Variants in GDE1 observed in about 807,000 individuals in gnomAD.
The protein encoded by GDE1 is glycerophosphodiester phosphodiesterase 1, also known as RGS16-interacting membrane protein.
GDE1 carries 24 observed loss-of-function variants against 32.2 expected under a neutral mutation model. The observed-to-expected ratio is 0.75, with a 90% CI of 0.54 to 1.05. The LOEUF is 1.05. GDE1 is among the 50% of genes least tolerant of loss of function. The pLI is 0.00. For synonymous variants in GDE1, 159 were observed against 158.6 expected (o/e 1.00, Z -0.02); for missense variants, 380 against 415.0 (o/e 0.92, Z 0.73).
chr16:19,520,699 T>C (rs1001084459), intron 1 of GDE1, among the ~76,000 whole-genome samples: 6 of 141,812 alleles, frequency 4.2e-5, no homozygotes, highest in South Asian at 2.2e-4. Context: ...CCCTCCAGCC[T>C]GGGTAAAAGA....
chr16:19,521,588 T>C lies in GDE1; in HGVS notation c.261+116A>G, dbSNP rs1969453934. ...GCGATCAAGGGCCGGGAGTGTGCCT[T>C]GTGGACGAATGAGGAAGTGGGAAGG... is the stretch of plus-strand genomic sequence containing the variant. On this transcript the variant is annotated intron_variant, in intron 1 of 5. Coordinates refer to ENST00000353258, the MANE Select transcript of GDE1 (RefSeq NM_016641.4). 10 of 1,179,718 alleles carry C rather than the reference T, an allele frequency of 8.5e-6. No homozygotes were observed. The South Asian group carries it at 1.3e-4, about 16-fold the overall frequency. 73.1% of individuals were successfully genotyped at this position (1,179,718 alleles called of 1,614,324 possible). A position where few individuals can be genotyped will look rare whatever the true frequency, so the allele number is the denominator to read the frequency against.
chr16:19,512,260 C>T (rs778651053), intron 2 of GDE1, among the ~76,000 whole-genome samples: 2 of 152,052 alleles, frequency 1.3e-5, no homozygotes, highest in South Asian at 4.1e-4. Context: ...TAAATAATGG[C>T]CATTCTAACT....
At chr16:19,511,542 A>G (rs1969318965) in intron 2 of GDE1, among the ~76,000 whole-genome samples, 1 of 152,148 alleles carries the variant, frequency 6.6e-6, no homozygotes, top group Non-Finnish European at 1.5e-5. Flanking sequence ...CACCCCAAAT[A>G]TTTATCATTT....
intron 1 of GDE1, 82 bp from the exon 2 acceptor site, chr16:19,517,271 C>T: frequency 1.9e-6 from 2 of 1,030,868 alleles, no homozygotes; most frequent in South Asian, 2.8e-5. Context: ...ACCAGCAGGG[C>T]TCCTAAGACA....
intron 3 of GDE1, among the ~76,000 whole-genome samples, chr16:19,510,198 TG>T (rs1285738517): frequency 6.6e-6 from 1 of 152,160 alleles, no homozygotes; most frequent in Non-Finnish European, 1.5e-5. Flanking sequence ...TTCTTATGAG[TG>T]TAAGTGCAGG....
intron 5 of GDE1, chr16:19,503,862 C>T: frequency 2.5e-6 from 1 of 398,712 alleles, no homozygotes; most frequent in Non-Finnish European, 4.5e-6. Context: ...ATGTCCTTGG[C>T]ACAGCCACTG....
chr16:19,517,660 C>A (rs1474295781), intron 1 of GDE1, among the ~76,000 whole-genome samples: 1 of 152,194 alleles, frequency 6.6e-6, no homozygotes, highest in African/African-American at 2.4e-5. Flanking sequence ...CACAAAGACA[C>A]CACGCCTGCT....
At chr16:19,507,912 G>A (rs954547938) in intron 3 of GDE1, 133 bp from the exon 4 acceptor site, 16 of 577,754 alleles carry the variant, frequency 2.8e-5, no homozygotes, top group Non-Finnish European at 4.0e-5. Context: ...GGTACTGAAA[G>A]TATTGGTAGA....
intron 3 of GDE1, among the ~76,000 whole-genome samples, chr16:19,509,558 C>T (rs1031254813): frequency 6.6e-6 from 1 of 152,056 alleles, no homozygotes; most frequent in African/African-American, 2.4e-5. Context: ...ATACAACTAT[C>T]GGTTTACTAG....
intron 2 of GDE1, among the ~76,000 whole-genome samples, chr16:19,513,037 T>C (rs554693528): frequency 7.3e-5 from 11 of 151,688 alleles, no homozygotes; most frequent in Non-Finnish European, 1.5e-4. Context: ...AATGAGGTAG[T>C]GTGATATGTC....
Position 19,521,804 on chromosome 16 carries a change from C to T in GDE1, c.161G>A (p.Arg54Lys). 6.2e-7 allele frequency: 1 copy of T among 1,611,650 alleles called. No individual in the cohort carries two copies. Among genetic ancestry groups the T allele is most frequent in the Admixed American group, 1.7e-5 (1 of 59,788 alleles). Residue 54 changes from arginine (R) to lysine (K), a missense_variant, in exon 1 of 6, where the codon AGG (arginine) becomes AAG (lysine). By Grantham distance (26) the Arg-to-Lys change is conservative. Coordinates refer to ENST00000353258, the MANE Select transcript of GDE1 (RefSeq NM_016641.4). ...VFSFEPVPSC[R>K]ALQVLKPRDR... ...CCGGGGCTTGAGCACCTGCAGGGCC[C>T]TGCAAGAGGGCACCGGCTCAAAGCT...
In GDE1 at chr16:19,503,330, G is replaced by A; in HGVS notation, c.*140C>T. The A allele has an allele frequency of 4.1e-6, 3 of 725,510 alleles. No homozygotes were observed. The highest frequency in any genetic ancestry group is 1.9e-5 in the South Asian group (1 of 53,994). The allele number at this position is 725,510 out of a possible 1,614,324, so 44.9% of individuals were successfully genotyped here. A position where few individuals can be genotyped will look rare whatever the true frequency, so the allele number is the denominator to read the frequency against. ...CAACACCGGGTTTAGCTTTGGTTCAGGTAAAAATGCAGTGACCAACTATTG... is the reference window on the plus strand; with the variant it reads ...CAACACCGGGTTTAGCTTTGGTTCAAGTAAAAATGCAGTGACCAACTATTG... On this transcript the variant is annotated 3_prime_UTR_variant, in exon 6 of 6. Coordinates refer to ENST00000353258, the MANE Select transcript of GDE1 (RefSeq NM_016641.4).
rs116826043 is a variant in GDE1 at position 19,515,714 on chromosome 16, C to T, written c.437+1300G>A. Reference sequence around the variant, plus strand: ...TTCCTGCCTACAGTATGACTTCCTTCGGCAGACTAATGTTTTTCAGATCCT... The same window carrying T: ...TTCCTGCCTACAGTATGACTTCCTTTGGCAGACTAATGTTTTTCAGATCCT... On this transcript the variant is annotated intron_variant, in intron 2 of 5. Coordinates refer to ENST00000353258, the MANE Select transcript of GDE1 (RefSeq NM_016641.4). Among the ~76,000 whole-genome samples the T allele has an allele frequency of 2.3e-3, 354 of 152,186 alleles. 3 individuals are homozygous for T. Among genetic ancestry groups the T allele is most frequent in the African/African-American group, 8.1e-3 (337 of 41,520 alleles).
intron 5 of GDE1, chr16:19,504,128 C>A (rs115417317): frequency 0.021 from 3,210 of 153,764 alleles, 109 homozygotes; most frequent in African/African-American, 0.071. Flanking sequence ...CTGTTTCTGA[C>A]AACCCAGACC....
intron 3 of GDE1, among the ~76,000 whole-genome samples, chr16:19,509,719 G>T (rs915759334): frequency 6.1e-5 from 9 of 148,144 alleles, no homozygotes; most frequent in African/African-American, 7.5e-5. Context: ...GAGTACTACT[G>T]GCGCAATCTC....
chr16:19,504,934 C>A lies in GDE1; in HGVS notation c.795G>T (p.Leu265Phe). The change falls in exon 5 of 6, where the codon TTG (leucine) becomes TTT (phenylalanine). Residue 265 changes from leucine to phenylalanine, a missense_variant. Transcript: ENST00000353258. ...ILLDWSMHNI[L>F]WYLCGISAFL... is the part of the protein sequence containing the mutation. ...AAGCTGAAATTCCACACAGGTACCA[C>A]AAGATATTATGCATGCTCCAATCGA... is the stretch of plus-strand genomic sequence containing the variant. 6.2e-7 allele frequency: 1 copy of A among 1,613,800 alleles called. No homozygotes were observed. Among genetic ancestry groups the A allele is most frequent in the Non-Finnish European group, 8.5e-7 (1 of 1,179,720 alleles).
chr16:19,503,694 G>C (rs1969208737), intron 5 of GDE1, 77 bp from the exon 6 acceptor site: 2 of 1,188,748 alleles, frequency 1.7e-6, no homozygotes, highest in Admixed American at 3.5e-5. Flanking sequence ...ACTAAGTATG[G>C]TGTTCACTGC....
chr16:19,516,242 G>C (rs1969379104), intron 2 of GDE1, among the ~76,000 whole-genome samples: 2 of 152,102 alleles, frequency 1.3e-5, no homozygotes, highest in African/African-American at 4.8e-5. Context: ...AGACATTGGG[G>C]GCAGCTAAAA....
At chr16:19,512,548 CAGA>C (rs147363137) in intron 2 of GDE1, among the ~76,000 whole-genome samples, 4,219 of 152,202 alleles carry the variant, frequency 0.028, 78 homozygotes, top group Non-Finnish European at 0.041. Context: ...CTTTGCTGTG[CAGA>C]AGCTTTTTAG....
Sources: allele counts gnomAD v4.1 joint callset (sites outside exome capture counted in the v4.1 genomes callset), GRCh38; gene constraint gnomAD v4.1.1; transcripts MANE v1.5; gene names NCBI Gene and HGNC (gene_info 2026-07-23, HGNC 2026-07-21).